The following LOC400499 variants were observed in gnomAD, a reference collection of about 807,000 sequenced individuals.
chr16:11,449,106 A>G, the LOC400499 span: 1 of 1,447,554 alleles, frequency 6.9e-7, no homozygotes, highest in Non-Finnish European at 9.2e-7. Flanking sequence ...CACTGTGGAA[A>G]CCTGCAATGA....
chr16:11,378,403 A>G, the LOC400499 span, among the ~76,000 whole-genome samples: 3 of 152,050 alleles, frequency 2.0e-5, no homozygotes, highest in African/African-American at 7.2e-5. Context: ...AACTGGGATT[A>G]CAGGCGCCTG....
the LOC400499 span, chr16:11,399,860 A>C: frequency 0.86 from 340,554 of 398,284 alleles, 146,641 homozygotes; most frequent in Admixed American, 0.9. Context: ...GGGGACATGT[A>C]GGGGAGAGGA....
chr16:11,460,150 G>C, the LOC400499 span: 7 of 1,085,282 alleles, frequency 6.4e-6, no homozygotes, highest in South Asian at 1.7e-4. Flanking sequence ...TATCAGCCTG[G>C]TTTTCAGAAG....
At chr16:11,458,764 G>T in the LOC400499 span, among the ~76,000 whole-genome samples, 1 of 151,876 alleles carries the variant, frequency 6.6e-6, no homozygotes, top group African/African-American at 2.4e-5. Context: ...GGCCGGGTGT[G>T]GTGGCTCATG....
the LOC400499 span, chr16:11,450,516 G>C: frequency 1.2e-5 from 15 of 1,269,922 alleles, no homozygotes; most frequent in Non-Finnish European, 2.2e-6. Flanking sequence ...GCTGCTATCT[G>C]CCCACAGACC....
chr16:11,487,373 C>T, the LOC400499 span: 3,604 of 399,164 alleles, frequency 9.0e-3, 105 homozygotes, highest in African/African-American at 0.068. Context: ...GGTTGGCTCC[C>T]AGGCTGCCAG....
chr16:11,373,548 C>T, the LOC400499 span, among the ~76,000 whole-genome samples: 1 of 151,862 alleles, frequency 6.6e-6, no homozygotes, highest in Non-Finnish European at 1.5e-5. Context: ...TGGTCTCGAA[C>T]TTTTGACCTC....
chr16:11,412,399 T>C, the LOC400499 span, among the ~76,000 whole-genome samples: 11 of 152,172 alleles, frequency 7.2e-5, no homozygotes, highest in Non-Finnish European at 1.3e-4. Context: ...TGAAAGTCCC[T>C]GGGGGGAAAC....
At chr16:11,398,557 G>A in the LOC400499 span, 10 of 1,219,688 alleles carry the variant, frequency 8.2e-6, no homozygotes, top group African/African-American at 1.1e-4. Flanking sequence ...CTAAGAGAAT[G>A]CCCATGGCCA....
At chr16:11,459,433 T>A in the LOC400499 span, among the ~76,000 whole-genome samples, 2 of 152,036 alleles carry the variant, frequency 1.3e-5, no homozygotes, top group African/African-American at 4.8e-5. Context: ...CCTGATCTCG[T>A]GATCCGCCCG....
chr16:11,392,826 C>G, the LOC400499 span: 6 of 981,324 alleles, frequency 6.1e-6, no homozygotes, highest in Non-Finnish European at 4.8e-6. Context: ...ACACATCACC[C>G]CCTACCCCAC....
the LOC400499 span, among the ~76,000 whole-genome samples, chr16:11,377,493 T>G: frequency 6.6e-6 from 1 of 152,026 alleles, no homozygotes; most frequent in Non-Finnish European, 1.5e-5. Flanking sequence ...ATTTCTATTT[T>G]GAGTCTGTAT....
the LOC400499 span, among the ~76,000 whole-genome samples, chr16:11,415,760 C>A: frequency 6.6e-6 from 1 of 152,072 alleles, no homozygotes. Context: ...GGCGGCCATA[C>A]CAGGCATCCT....
chr16:11,444,103 A>C, the LOC400499 span, among the ~76,000 whole-genome samples: 2 of 152,044 alleles, frequency 1.3e-5, no homozygotes, highest in African/African-American at 2.4e-5. Flanking sequence ...GGCTTCCCAA[A>C]ATGCTGGGAT....
At chr16:11,440,121 G>A in the LOC400499 span, among the ~76,000 whole-genome samples, 7 of 152,060 alleles carry the variant, frequency 4.6e-5, no homozygotes, top group African/African-American at 1.7e-4. Flanking sequence ...GAACAGAGAT[G>A]GGGACAGTGT....
chr16:11,462,402 C>A, the LOC400499 span: 31 of 1,368,850 alleles, frequency 2.3e-5, no homozygotes, highest in Non-Finnish European at 2.9e-5. Flanking sequence ...GACAACATCG[C>A]TAACAACCTT....
the LOC400499 span, among the ~76,000 whole-genome samples, chr16:11,515,478 C>T: frequency 2.8e-5 from 4 of 144,588 alleles, no homozygotes; most frequent in Admixed American, 6.7e-5. Context: ...TACATACGTA[C>T]GTACATACAT....
At chr16:11,507,105 T>G in the LOC400499 span, among the ~76,000 whole-genome samples, 949 of 152,264 alleles carry the variant, frequency 6.2e-3, 11 homozygotes, top group African/African-American at 0.022. Context: ...GAGCCACCCC[T>G]GCCAGGGGAA....
chr16:11,463,105 T>G, the LOC400499 span, among the ~76,000 whole-genome samples: 1 of 152,190 alleles, frequency 6.6e-6, no homozygotes, highest in Admixed American at 6.5e-5. Context: ...TGGTCAGTGG[T>G]GCAGACCTGG....
Sources: allele counts gnomAD v4.1 joint callset (sites outside exome capture counted in the v4.1 genomes callset), GRCh38; gene constraint gnomAD v4.1.1; transcripts MANE v1.5.